RFX7: variants seen among roughly 807,000 people sequenced by gnomAD.
RFX7 encodes DNA-binding protein RFX7.
RFX7 carries 26 observed loss-of-function variants against 111.8 expected under a neutral mutation model. The observed-to-expected ratio is 0.23, with a 90% CI of 0.17 to 0.32. The LOEUF is 0.32. RFX7 is among the 10% of genes least tolerant of loss of function. The pLI is 1.00. For synonymous variants in RFX7, 624 were observed against 624.4 expected (o/e 1.00, Z 0.01); for missense variants, 1,573 against 1,772.9 (o/e 0.89, Z 2.02).
At chr15:56,109,059 C>T (rs1184553657) in intron 5 of RFX7, among the ~76,000 whole-genome samples, 3 of 152,150 alleles carry the variant, frequency 2.0e-5, no homozygotes, top group Non-Finnish European at 4.4e-5. Context: ...CTCTGCCTCT[C>T]CCTCTCCCTC....
intron 3 of RFX7, among the ~76,000 whole-genome samples, chr15:56,152,541 A>G (rs1277292746): frequency 6.6e-6 from 1 of 152,348 alleles, no homozygotes; most frequent in African/African-American, 2.4e-5. Flanking sequence ...TCTCTGGGAC[A>G]CATTTAAAGC....
chr15:56,108,887 T>C (rs1321069920), intron 5 of RFX7, among the ~76,000 whole-genome samples: 2 of 152,152 alleles, frequency 1.3e-5, no homozygotes, highest in Non-Finnish European at 2.9e-5. Context: ...ATCACAAGCA[T>C]TCCTATACAT....
chr15:56,110,443 C>T (rs1240078967), intron 5 of RFX7, among the ~76,000 whole-genome samples: 1 of 134,776 alleles, frequency 7.4e-6, no homozygotes, highest in Non-Finnish European at 1.6e-5. Flanking sequence ...CCCGGCCAGC[C>T]GCCCCATCCG....
intron 5 of RFX7, among the ~76,000 whole-genome samples, chr15:56,107,523 A>C (rs1220632691): frequency 6.6e-6 from 1 of 152,148 alleles, no homozygotes; most frequent in African/African-American, 2.4e-5. Context: ...ACAAAAATAT[A>C]AACAATGAAT....
intron 3 of RFX7, among the ~76,000 whole-genome samples, chr15:56,162,583 A>G (rs2042733584): frequency 6.6e-6 from 1 of 152,036 alleles, no homozygotes; most frequent in Non-Finnish European, 1.5e-5. Context: ...AAAAGTTACC[A>G]GAACTTATTT....
intron 3 of RFX7, among the ~76,000 whole-genome samples, chr15:56,165,244 T>C (rs11632023): frequency 0.13 from 19,876 of 152,234 alleles, 1,705 homozygotes; most frequent in East Asian, 0.44. Flanking sequence ...GAACCATACC[T>C]GGGGAACCCC....
In RFX7 at chr15:56,192,455, T is replaced by C. The variant is rs559827427; in HGVS notation, c.162-13152A>G. 1.9e-5 allele frequency: 4 copies of C among 210,468 alleles called. No homozygotes were observed. In the South Asian group the frequency reaches 3.8e-4, roughly 20 times the overall value. The allele number at this position is 210,468 out of a possible 1,614,324, so 13.0% of individuals were successfully genotyped here. A position where few individuals can be genotyped will look rare whatever the true frequency, so the allele number is the denominator to read the frequency against. ...GAAATATGGGGTTCTTTGTATCTAT[T>C]TCATGCCATCCATCCATGATGAACT... is the stretch of plus-strand genomic sequence containing the variant. On this transcript the variant is annotated intron_variant, in intron 2 of 9. Coordinates refer to ENST00000559447, the MANE Select transcript of RFX7 (RefSeq NM_022841.7).
intron 2 of RFX7, among the ~76,000 whole-genome samples, chr15:56,194,530 T>C (rs1246299142): frequency 6.6e-6 from 1 of 152,158 alleles, no homozygotes; most frequent in African/African-American, 2.4e-5. Context: ...CAGTCCATCA[T>C]AGCAAAACTT....
At chr15:56,173,394 T>C (rs1294031624) in intron 3 of RFX7, among the ~76,000 whole-genome samples, 1 of 152,152 alleles carries the variant, frequency 6.6e-6, no homozygotes, top group Non-Finnish European at 1.5e-5. Flanking sequence ...TCAAAAACCA[T>C]AAAAATCAGT....
chr15:56,186,381 T>A (rs1388596962), intron 2 of RFX7, among the ~76,000 whole-genome samples: 2 of 152,200 alleles, frequency 1.3e-5, no homozygotes, highest in African/African-American at 4.8e-5. Context: ...ATTTAGAAAT[T>A]AGTTCCTGCT....
intron 3 of RFX7, among the ~76,000 whole-genome samples, chr15:56,159,588 C>T (rs1471952762): frequency 6.6e-6 from 1 of 152,186 alleles, no homozygotes; most frequent in Non-Finnish European, 1.5e-5. Context: ...AATAATCAAT[C>T]TAAGCAGAAT....
chr15:56,102,161 A>G lies in RFX7; in HGVS notation c.603+8T>C. 6.3e-7 allele frequency: 1 copy of G among 1,598,188 alleles called. No homozygotes were observed. The highest frequency in any genetic ancestry group is 8.6e-7 in the Non-Finnish European group (1 of 1,168,180). On this transcript the variant is annotated splice_region_variant and intron_variant, in intron 7 of 9. Coordinates refer to ENST00000559447, the MANE Select transcript of RFX7 (RefSeq NM_022841.7). ...TTACTTATTAAAAAGAAAAGGCTGA[A>G]TTCTTACCCCATCTCCAGTTTTGTG... is the stretch of plus-strand genomic sequence containing the variant.
chr15:56,149,681 C>T (rs890667338), intron 3 of RFX7, among the ~76,000 whole-genome samples: 1 of 152,180 alleles, frequency 6.6e-6, no homozygotes, highest in African/African-American at 2.4e-5. Flanking sequence ...TGCGCTTGTC[C>T]CATGGTCTTC....
chr15:56,110,255 C>G (rs1366380455), intron 5 of RFX7, among the ~76,000 whole-genome samples: 3 of 85,572 alleles, frequency 3.5e-5, no homozygotes, highest in Admixed American at 1.1e-4. Context: ...CCGCCCCGTC[C>G]GGGAGGGAGG....
chr15:56,097,611 G>A (rs1820762053), intron 9 of RFX7, among the ~76,000 whole-genome samples: 1 of 151,746 alleles, frequency 6.6e-6, no homozygotes, highest in African/African-American at 2.4e-5. Context: ...GCTGGGTGTG[G>A]TGGTGAGTAC....
At chr15:56,120,254 T>A in intron 5 of RFX7, among the ~76,000 whole-genome samples, 1 of 152,208 alleles carries the variant, frequency 6.6e-6, no homozygotes, top group East Asian at 1.9e-4. Context: ...ATTTTATTTG[T>A]AGCTATTGTA....
At chr15:56,102,109 T>C (rs1452878103) in intron 7 of RFX7, 60 bp downstream of exon 7, 2 of 1,258,274 alleles carry the variant, frequency 1.6e-6, no homozygotes, top group African/African-American at 1.5e-5. Flanking sequence ...GCAGGATGCA[T>C]TTCAATGTTA....
chr15:56,182,197 C>T (rs1392709555), intron 2 of RFX7, among the ~76,000 whole-genome samples: 2 of 152,030 alleles, frequency 1.3e-5, no homozygotes, highest in Admixed American at 6.6e-5. Flanking sequence ...CTTGAATCAT[C>T]CCCAAACCAT....
At chr15:56,174,107 G>A (rs556438401) in intron 3 of RFX7, among the ~76,000 whole-genome samples, 1 of 152,034 alleles carries the variant, frequency 6.6e-6, no homozygotes, top group Non-Finnish European at 1.5e-5. Flanking sequence ...GTGAAACCCC[G>A]TCTCTACTAA....
Sources: allele counts gnomAD v4.1 joint callset (sites outside exome capture counted in the v4.1 genomes callset), GRCh38; gene constraint gnomAD v4.1.1; transcripts MANE v1.5; gene names NCBI Gene and HGNC (gene_info 2026-07-23, HGNC 2026-07-21).